Variants in RBPMS observed in about 807,000 individuals in gnomAD.
RBPMS encodes the protein RNA-binding protein with multiple splicing.
In RBPMS, 7 loss-of-function variants were observed where a neutral mutation model predicts 26.8. The ratio of observed to expected loss-of-function variants is 0.26; its 90% CI spans 0.15 to 0.49. The LOEUF (loss-of-function observed/expected upper bound fraction) is 0.49. RBPMS is among the 20% of genes least tolerant of loss of function. The probability of loss-of-function intolerance (pLI) is 0.98; values close to 1 mark genes in which losing one functional copy is unlikely to be tolerated. For synonymous variants in RBPMS, 96 were observed against 93.3 expected (o/e 1.03, Z -0.17); for missense variants, 186 against 250.0 (o/e 0.74, Z 1.73).
chr8:30,472,192 C>G (rs1343614629), intron 1 of RBPMS, among the ~76,000 whole-genome samples: 1 of 152,118 alleles, frequency 6.6e-6, no homozygotes, highest in Non-Finnish European at 1.5e-5. Context: ...TGTGGTGTAT[C>G]CACACTACAG....
chr8:30,515,580 G>A (rs546628053), intron 5 of RBPMS, among the ~76,000 whole-genome samples: 1 of 152,276 alleles, frequency 6.6e-6, no homozygotes, highest in African/African-American at 2.4e-5. Context: ...TTGCAAATAT[G>A]TAGATCTAAA....
At chr8:30,569,564 ATG>A (rs1828127849) in intron 8 of RBPMS, among the ~76,000 whole-genome samples, 1 of 152,134 alleles carries the variant, frequency 6.6e-6, no homozygotes, top group Non-Finnish European at 1.5e-5. Context: ...GCCTTGAAGG[ATG>A]TGTTAGGGAT....
chr8:30,495,284 T>G (rs1044250853), intron 4 of RBPMS, among the ~76,000 whole-genome samples: 1 of 152,066 alleles, frequency 6.6e-6, no homozygotes, highest in African/African-American at 2.4e-5. Context: ...ATGAAGGTTT[T>G]TTTTTTTTTT....
Position 30,479,382 on chromosome 8 carries a change from G to A in RBPMS, c.246+5G>A. On this transcript the variant is annotated splice_donor_5th_base_variant and intron_variant, in intron 4 of 8. Transcript: ENST00000397323. ...GCTGCAAAGAATGCTTTGAATGTAA[G>A]TACTAATGATGTAATTGTAGGGGGT... 1 of 1,593,968 alleles carries A rather than the reference G, an allele frequency of 6.3e-7. No homozygotes were observed. The highest frequency in any genetic ancestry group is 2.2e-5 in the East Asian group (1 of 44,776).
intron 5 of RBPMS, among the ~76,000 whole-genome samples, chr8:30,521,796 T>C (rs1485858607): frequency 6.6e-6 from 1 of 152,202 alleles, no homozygotes; most frequent in Non-Finnish European, 1.5e-5. Context: ...GTCTTGTCTT[T>C]TGTAAATAAT....
intron 2 of RBPMS, among the ~76,000 whole-genome samples, chr8:30,476,337 T>C (rs573756143): frequency 2.6e-5 from 4 of 152,356 alleles, no homozygotes; most frequent in African/African-American, 9.6e-5. Context: ...GTTTGTGACT[T>C]GAGAACACAG....
intron 4 of RBPMS, 134 bp downstream of exon 4, chr8:30,479,511 TAGCACTCTAAAG>T: frequency 1.4e-6 from 1 of 729,806 alleles, no homozygotes; most frequent in Non-Finnish European, 2.4e-6. Context: ...TCAATTTAAT[TAGCACTCTAAAG>T]AGCTTTTTCC....
At chr8:30,431,741 C>T (rs1454995975) in intron 1 of RBPMS, among the ~76,000 whole-genome samples, 2 of 152,016 alleles carry the variant, frequency 1.3e-5, no homozygotes, top group Non-Finnish European at 2.9e-5. Flanking sequence ...TGTGAGCCAC[C>T]GCGCCCAGCC....
chr8:30,479,441 C>T, intron 4 of RBPMS, 64 bp downstream of exon 4: 1 of 1,177,916 alleles, frequency 8.5e-7, no homozygotes, highest in East Asian at 2.3e-5. Context: ...AATGGAATCT[C>T]TTTGGACGGG....
chr8:30,385,821 G>T (rs1807001954), intron 1 of RBPMS, among the ~76,000 whole-genome samples: 1 of 152,130 alleles, frequency 6.6e-6, no homozygotes, highest in Non-Finnish European at 1.5e-5. Context: ...TATTTTCATA[G>T]GACTTTGACT....
intron 1 of RBPMS, chr8:30,445,101 A>G (rs1379429789): frequency 6.6e-6 from 1 of 152,126 alleles, no homozygotes; most frequent in South Asian, 2.1e-4. Context: ...ATTTGGCCTG[A>G]AAGTCTAGTG....
At chr8:30,422,820 A>G (rs1810949961) in intron 1 of RBPMS, among the ~76,000 whole-genome samples, 1 of 152,248 alleles carries the variant, frequency 6.6e-6, no homozygotes, top group African/African-American at 2.4e-5. Context: ...CTTTTAAAAC[A>G]AAATATCCCA....
intron 6 of RBPMS, among the ~76,000 whole-genome samples, chr8:30,555,555 G>A (rs1826794611): frequency 6.6e-6 from 1 of 152,144 alleles, no homozygotes; most frequent in Non-Finnish European, 1.5e-5. Context: ...TTGAGAGAGA[G>A]AACTATGGGA....
At chr8:30,419,563 G>T (rs999671875) in intron 1 of RBPMS, among the ~76,000 whole-genome samples, 3 of 151,548 alleles carry the variant, frequency 2.0e-5, no homozygotes, top group Non-Finnish European at 4.4e-5. Flanking sequence ...GAGCACTGAC[G>T]TACCACAAGT....
intron 4 of RBPMS, among the ~76,000 whole-genome samples, chr8:30,489,642 AC>A (rs1163021677): frequency 4.0e-5 from 6 of 150,212 alleles, no homozygotes; most frequent in African/African-American, 1.5e-4. Flanking sequence ...ATGGGGTTTC[AC>A]CCCGTTGGTC....
chr8:30,525,496 A>G (rs2979531), intron 5 of RBPMS, among the ~76,000 whole-genome samples: 78,342 of 152,100 alleles, frequency 0.52, 20,306 homozygotes, highest in South Asian at 0.64. Flanking sequence ...TGTAAATGAT[A>G]TCCTTTCAAA....
intron 5 of RBPMS, among the ~76,000 whole-genome samples, chr8:30,522,120 C>A (rs1823112384): frequency 6.6e-6 from 1 of 151,912 alleles, no homozygotes; most frequent in South Asian, 2.1e-4. Flanking sequence ...TTAACCATTC[C>A]ACAGTGTACA....
chr8:30,453,035 C>T (rs1193763293), intron 1 of RBPMS, among the ~76,000 whole-genome samples: 1 of 152,144 alleles, frequency 6.6e-6, no homozygotes, highest in Non-Finnish European at 1.5e-5. Flanking sequence ...CTCGTGGATT[C>T]ATTGTGGTCT....
intron 1 of RBPMS, among the ~76,000 whole-genome samples, chr8:30,443,797 G>A (rs767549981): frequency 1.3e-5 from 2 of 151,732 alleles, no homozygotes; most frequent in Non-Finnish European, 2.9e-5. Flanking sequence ...GGATTTCACC[G>A]CGTTGGCCGG....
Sources: allele counts gnomAD v4.1 joint callset (sites outside exome capture counted in the v4.1 genomes callset), GRCh38; gene constraint gnomAD v4.1.1; transcripts MANE v1.5; gene names NCBI Gene and HGNC (gene_info 2026-07-23, HGNC 2026-07-21).